TAOK3: variants seen among roughly 807,000 people sequenced by gnomAD.
TAOK3 encodes the protein serine/threonine-protein kinase TAO3.
TAOK3 carries 40 observed loss-of-function variants against 120.4 expected under a neutral mutation model. The ratio of observed to expected loss-of-function variants is 0.33; its 90% confidence interval spans 0.26 to 0.43. TAOK3 has a LOEUF of 0.43. Among genes scored for constraint, TAOK3 ranks in the 20% least tolerant of loss-of-function variants. The pLI, the probability that TAOK3 is intolerant of heterozygous loss-of-function variation, is 1.00. For missense variants in TAOK3, 821 were observed against 1,112.1 expected (o/e 0.74, Z 3.72); for synonymous variants, 355 against 387.5 (o/e 0.92, Z 0.99).
chr12:118,215,939 C>T (rs1357507327), intron 9 of TAOK3, among the ~76,000 whole-genome samples: 1 of 151,366 alleles, frequency 6.6e-6, no homozygotes, highest in Non-Finnish European at 1.5e-5. Context: ...TTGGCTGACA[C>T]CTATAATCCC....
rs938957781 is a variant in TAOK3 at position 118,371,341 on chromosome 12, T to G, written c.-194+1307A>C. Among the ~76,000 whole-genome samples, 6 of 152,110 alleles carry G rather than the reference T, an allele frequency of 3.9e-5. No homozygotes were observed. The highest frequency in any genetic ancestry group is 8.8e-5 in the Non-Finnish European group (6 of 68,008). Reference sequence around the variant, plus strand: ...ATTAAGATCAGGAAGCCCCTCGCTTTCAAGACATCCACATCAGACTCTAAG... The same window carrying G: ...ATTAAGATCAGGAAGCCCCTCGCTTGCAAGACATCCACATCAGACTCTAAG... On this transcript the variant is annotated intron_variant, in intron 1 of 20. Coordinates refer to ENST00000392533, the MANE Select transcript of TAOK3 (RefSeq NM_016281.4). The surrounding 1 kb of genome is among the most constrained non-coding windows in gnomAD (Gnocchi z 5.5).
chr12:118,362,550 A>G (rs1210726611), intron 1 of TAOK3, among the ~76,000 whole-genome samples: 3 of 152,102 alleles, frequency 2.0e-5, no homozygotes, highest in African/African-American at 7.2e-5. Flanking sequence ...AAGATGGAAC[A>G]ATAAGTTTAT....
intron 1 of TAOK3, among the ~76,000 whole-genome samples, chr12:118,354,167 CTATAT>C (rs1188624462): frequency 6.6e-6 from 1 of 152,102 alleles, no homozygotes; most frequent in East Asian, 1.9e-4. Context: ...GTATGGAACT[CTATAT>C]ATACTATTTC....
intron 12 of TAOK3, 40 bp downstream of exon 12, chr12:118,201,256 G>A (rs1385774412): frequency 1.3e-6 from 2 of 1,557,364 alleles, no homozygotes; most frequent in East Asian, 2.2e-5. Flanking sequence ...TTCACATAGT[G>A]GGCATTCTAT....
intron 8 of TAOK3, among the ~76,000 whole-genome samples, chr12:118,235,298 C>T (rs1295268744): frequency 1.3e-5 from 2 of 152,214 alleles, no homozygotes; most frequent in East Asian, 3.9e-4. Context: ...AAAACCTGAA[C>T]TTGGTCAGTG....
chr12:118,330,890 A>C lies in TAOK3; in HGVS notation c.-194+41758T>G, dbSNP rs563446760. Reference sequence around the variant, plus strand: ...TGAGGTTCATAAGTCTGAAACTGCCATAAACTGTGTGAAAATGTGGGACAT... The same window carrying C: ...TGAGGTTCATAAGTCTGAAACTGCCCTAAACTGTGTGAAAATGTGGGACAT... On this transcript the variant is annotated intron_variant, in intron 1 of 20. Transcript: ENST00000392533. 2.6e-5 allele frequency among the ~76,000 whole-genome samples: 4 copies of C among 152,276 alleles called. No homozygotes were observed. The East Asian group carries it at 7.7e-4, about 29-fold the overall frequency.
intron 9 of TAOK3, among the ~76,000 whole-genome samples, chr12:118,221,354 G>A (rs892463169): frequency 6.6e-6 from 1 of 152,118 alleles, no homozygotes; most frequent in Non-Finnish European, 1.5e-5. Flanking sequence ...CTCCTGAGTA[G>A]CTGGGATTAC....
chr12:118,215,065 G>T (rs1378052689), intron 9 of TAOK3, among the ~76,000 whole-genome samples: 1 of 151,196 alleles, frequency 6.6e-6, no homozygotes, highest in African/African-American at 2.4e-5. Flanking sequence ...ATTTTTAGTA[G>T]AGAGGGGGTT....
intron 9 of TAOK3, among the ~76,000 whole-genome samples, chr12:118,220,314 C>T (rs954944549): frequency 2.0e-5 from 3 of 152,116 alleles, no homozygotes; most frequent in East Asian, 1.9e-4. Context: ...GTACCTGGTA[C>T]ACAGCAGGTG....
chr12:118,312,331 T>C (rs2043293659), intron 1 of TAOK3, among the ~76,000 whole-genome samples: 1 of 152,090 alleles, frequency 6.6e-6, no homozygotes, highest in Non-Finnish European at 1.5e-5. Context: ...AATTTAAGAC[T>C]ACTTTAAAGC....
At chr12:118,325,637 G>A (rs2043905252) in intron 1 of TAOK3, among the ~76,000 whole-genome samples, 2 of 152,002 alleles carry the variant, frequency 1.3e-5, no homozygotes, top group Non-Finnish European at 2.9e-5. Context: ...CAGATAGGTA[G>A]TTTGCCAATA....
intron 1 of TAOK3, among the ~76,000 whole-genome samples, chr12:118,368,983 A>G (rs964537034): frequency 4.7e-5 from 7 of 147,878 alleles, no homozygotes; most frequent in African/African-American, 1.5e-4. Context: ...ATGTTGTGAA[A>G]TCCCATCTCT....
chr12:118,323,983 A>G (rs1429731199), intron 1 of TAOK3, among the ~76,000 whole-genome samples: 2 of 152,228 alleles, frequency 1.3e-5, no homozygotes, highest in Non-Finnish European at 2.9e-5. Context: ...ATACGAAGGA[A>G]GTACATTTAA....
chr12:118,361,647 G>A lies in TAOK3; in HGVS notation c.-194+11001C>T, dbSNP rs145204081. 6.1e-3 allele frequency among the ~76,000 whole-genome samples: 924 copies of A among 151,742 alleles called. 5 individuals are homozygous for A. The highest frequency in any genetic ancestry group is 0.021 in the African/African-American group (855 of 41,362). On this transcript the variant is annotated intron_variant, in intron 1 of 20. Coordinates refer to ENST00000392533, the MANE Select transcript of TAOK3 (RefSeq NM_016281.4). ...TAATTTTTGTATTTTTAGTAGAGAC[G>A]GGGGTTTCACCATGTTGGCCAGGCT...
At chr12:118,245,758 A>G (rs2040464519) in intron 3 of TAOK3, among the ~76,000 whole-genome samples, 1 of 152,238 alleles carries the variant, frequency 6.6e-6, no homozygotes, top group Admixed American at 6.5e-5. Context: ...ACATGTAAAG[A>G]TTGTAATATA....
chr12:118,217,858 T>C (rs1467604910), intron 9 of TAOK3, among the ~76,000 whole-genome samples: 2 of 93,182 alleles, frequency 2.1e-5, no homozygotes, highest in Non-Finnish European at 4.3e-5. Context: ...TATATATATA[T>C]ATACACTTTT....
intron 9 of TAOK3, among the ~76,000 whole-genome samples, chr12:118,217,793 A>T (rs1197258588): frequency 1.2e-5 from 1 of 85,038 alleles, no homozygotes. Flanking sequence ...ATATGTATGT[A>T]TGTATGTGTG....
intron 9 of TAOK3, among the ~76,000 whole-genome samples, chr12:118,219,767 TG>T (rs2039131178): frequency 7.5e-6 from 1 of 133,820 alleles, no homozygotes; most frequent in Non-Finnish European, 1.6e-5. Context: ...GCTACTTTTT[TG>T]GCTTTTTTTT....
chr12:118,253,661 C>T (rs1410578471), intron 3 of TAOK3, among the ~76,000 whole-genome samples: 3 of 151,670 alleles, frequency 2.0e-5, no homozygotes, highest in African/African-American at 7.3e-5. Flanking sequence ...TGCTTGAACC[C>T]GGGAGGTGGA....
Sources: allele counts gnomAD v4.1 joint callset (sites outside exome capture counted in the v4.1 genomes callset), GRCh38; gene constraint gnomAD v4.1.1; non-coding constraint Gnocchi (gnomAD v3.1); transcripts MANE v1.5; gene names NCBI Gene and HGNC (gene_info 2026-07-23, HGNC 2026-07-21).